Variants in C1orf159 observed in about 807,000 individuals in gnomAD.
C1orf159 encodes uncharacterized protein C1orf159.
Under a neutral mutation model 25.6 loss-of-function variants are expected in C1orf159, and 19 were observed. That is an observed-to-expected ratio of 0.74 (90% CI 0.52 to 1.09). The LOEUF (loss-of-function observed/expected upper bound fraction) is 1.09. Among genes scored for constraint, C1orf159 ranks in the 50% least tolerant of loss-of-function variants. The probability of loss-of-function intolerance (pLI) is 0.00; values close to 1 mark genes in which losing one functional copy is unlikely to be tolerated. For missense variants in C1orf159, 274 were observed against 290.6 expected, an observed-to-expected ratio of 0.94 and a Z score of 0.42; for synonymous variants, 139 against 124.7, an observed-to-expected ratio of 1.12 and a Z score of -0.77.
chr1:1,107,853 A>G (rs894146813), intron 1 of C1orf159, among the ~76,000 whole-genome samples: 1 of 152,226 alleles, frequency 6.6e-6, no homozygotes, highest in Non-Finnish European at 1.5e-5. Context: ...ACTCACTGCA[A>G]AGGTCTGCAG....
In C1orf159 at chr1:1,087,632, G is replaced by C. The variant is rs1370054893; in HGVS notation, c.149-35C>G. 6.8e-7 allele frequency: 1 copy of C among 1,463,872 alleles called. No homozygotes were observed. The highest frequency in any genetic ancestry group is 9.2e-7 in the Non-Finnish European group (1 of 1,085,104). The allele number at this position is 1,463,872 out of a possible 1,614,324, so 90.7% of individuals were successfully genotyped here. A position where few individuals can be genotyped will look rare whatever the true frequency, so the allele number is the denominator to read the frequency against. On this transcript the variant is annotated intron_variant, in intron 4 of 9. Transcript: ENST00000421241. The surrounding 1 kb of genome is among the most constrained non-coding windows in gnomAD (Gnocchi z 8.3). ...GCAGAGGACGGGCATGTCAGCCAAA[G>C]CAAAATCCACACCAGCTGGGTCTCC...
chr1:1,098,858 C>CT (rs1486288442), intron 1 of C1orf159, among the ~76,000 whole-genome samples: 4 of 152,160 alleles, frequency 2.6e-5, no homozygotes, highest in Non-Finnish European at 5.9e-5. Context: ...GTGATCCACC[C>CT]GACTCGGGCT....
chr1:1,086,743 C>T (rs548721374), intron 6 of C1orf159, among the ~76,000 whole-genome samples: 6 of 152,122 alleles, frequency 3.9e-5, no homozygotes, highest in South Asian at 2.1e-4. Flanking sequence ...GCAGTGTGGC[C>T]GTGAGCGTGA....
intron 1 of C1orf159, among the ~76,000 whole-genome samples, chr1:1,111,365 C>CA (rs35082223): frequency 0.031 from 3,328 of 109,006 alleles, 45 homozygotes; most frequent in Middle Eastern, 0.044. Flanking sequence ...TCATCTCTAC[C>CA]AAAAAAAAAA....
chr1:1,093,370 C>T (rs1221083219), intron 1 of C1orf159, among the ~76,000 whole-genome samples: 3 of 152,230 alleles, frequency 2.0e-5, no homozygotes, highest in African/African-American at 7.2e-5. Flanking sequence ...TAGTCAACTT[C>T]ATGGAGATCT....
Position 1,091,544 on chromosome 1 carries a change from G to A in C1orf159, c.-1C>T. The A allele has an allele frequency of 4.5e-6, 7 of 1,549,128 alleles. No homozygotes were observed. Among genetic ancestry groups the A allele is most frequent in the Non-Finnish European group, 6.1e-6 (7 of 1,146,740 alleles). ...GGAGGGCGAGGTGCCGCAGCGCCAT[G>A]CCAGGAGCAGATGCGCAGAGCCTGC... On this transcript the variant is annotated 5_prime_UTR_variant, in exon 3 of 10. Coordinates refer to ENST00000421241, the MANE Select transcript of C1orf159 (RefSeq NM_017891.5).
At chr1:1,103,121 G>A (rs1646125683) in intron 1 of C1orf159, among the ~76,000 whole-genome samples, 1 of 152,184 alleles carries the variant, frequency 6.6e-6, no homozygotes. Context: ...GGGATTACAG[G>A]CGTGAGCCAC....
chr1:1,097,550 C>T (rs1212571295), intron 1 of C1orf159, among the ~76,000 whole-genome samples: 2 of 151,446 alleles, frequency 1.3e-5, no homozygotes, highest in Admixed American at 6.6e-5. Context: ...CTAGCCAGGA[C>T]TACAGGCTCG....
chr1:1,110,975 G>A lies in C1orf159; in HGVS notation c.-136+5085C>T, dbSNP rs1416831782. Among the ~76,000 whole-genome samples, 1 of 152,238 alleles carries A rather than the reference G, an allele frequency of 6.6e-6. No individual in the cohort carries two copies. Among genetic ancestry groups the A allele is most frequent in the Non-Finnish European group, 1.5e-5 (1 of 68,040 alleles). On this transcript the variant is annotated intron_variant, in intron 1 of 9. Coordinates refer to ENST00000421241, the MANE Select transcript of C1orf159 (RefSeq NM_017891.5). The surrounding 1 kb of genome is among the most constrained non-coding windows in gnomAD (Gnocchi z 4.8). ...AGCAGCCTGCGAGGCAATCTCCATGGATCACAGGCAGATTCTACATCACGA... is the reference window on the plus strand; with the variant it reads ...AGCAGCCTGCGAGGCAATCTCCATGAATCACAGGCAGATTCTACATCACGA...
chr1:1,102,071 C>CAAAAAA (rs1237729417), intron 1 of C1orf159, among the ~76,000 whole-genome samples: 8 of 39,908 alleles, frequency 2.0e-4, no homozygotes, highest in Non-Finnish European at 3.4e-4. Context: ...AACTCTGTCT[C>CAAAAAA]AAAAAAAAAA....
intron 7 of C1orf159, among the ~76,000 whole-genome samples, chr1:1,084,817 T>A (rs1645803717): frequency 6.6e-6 from 1 of 152,082 alleles, no homozygotes; most frequent in African/African-American, 2.4e-5. Context: ...GCCCCCCTCA[T>A]GAGAAGCGTC....
At chr1:1,109,141 C>A (rs1646223818) in intron 1 of C1orf159, among the ~76,000 whole-genome samples, 1 of 150,440 alleles carries the variant, frequency 6.6e-6, no homozygotes, top group Non-Finnish European at 1.5e-5. Context: ...AGTGTCCACC[C>A]ACAGATGAAT....
chr1:1,088,430 C>G, intron 4 of C1orf159, among the ~76,000 whole-genome samples: 1 of 144,900 alleles, frequency 6.9e-6, no homozygotes, highest in Non-Finnish European at 1.5e-5. Flanking sequence ...ATAGGCCCAC[C>G]CGCCAGCAGC....
At chr1:1,092,299 G>A (rs1645952570) in intron 1 of C1orf159, 196 bp from the exon 2 acceptor site, 3 of 231,098 alleles carry the variant, frequency 1.3e-5, no homozygotes, top group South Asian at 8.8e-5. Flanking sequence ...GCCTCCTGCG[G>A]GTGAGAGTGC....
At chr1:1,083,737 G>T in intron 9 of C1orf159, 1 of 637,914 alleles carries the variant, frequency 1.6e-6, no homozygotes. Flanking sequence ...GACGGGGCAC[G>T]TCCAGCCTTG....
chr1:1,084,149 G>T, intron 9 of C1orf159: 4 of 1,546,640 alleles, frequency 2.6e-6, no homozygotes, highest in Non-Finnish European at 3.5e-6. Context: ...GGGGGCGCCG[G>T]CCAAATCCAG....
In C1orf159 at chr1:1,110,756, G is replaced by A. The variant is rs1392656642; in HGVS notation, c.-136+5304C>T. On this transcript the variant is annotated intron_variant, in intron 1 of 9. Transcript: ENST00000421241. This position sits in a 1 kb window ranked among gnomAD's most constrained non-coding sequence, Gnocchi z 4.8. ...TCAGACAGCGGAAACCCACCCGGGC[G>A]CCCTCAGAGACGACGAGCACGCAAC... Among the ~76,000 whole-genome samples the A allele has an allele frequency of 3.3e-5, 5 of 152,152 alleles. No individual in the cohort carries two copies. The highest frequency in any genetic ancestry group is 5.9e-5 in the Non-Finnish European group (4 of 68,022).
At chr1:1,109,731 T>C (rs1009066851) in intron 1 of C1orf159, among the ~76,000 whole-genome samples, 1 of 152,318 alleles carries the variant, frequency 6.6e-6, no homozygotes, top group Non-Finnish European at 1.5e-5. Flanking sequence ...TCTTAATGCA[T>C]GTGTACTAGA....
intron 1 of C1orf159, among the ~76,000 whole-genome samples, chr1:1,097,131 G>A (rs1001345507): frequency 2.6e-5 from 4 of 151,798 alleles, no homozygotes; most frequent in South Asian, 2.1e-4. Flanking sequence ...TTTTGAGACC[G>A]AGTCTCACTC....
Sources: gnomAD v4.1 joint callset for allele counts (sites outside exome capture counted in the v4.1 genomes callset) on GRCh38, gnomAD v4.1.1 for gene constraint, Gnocchi (gnomAD v3.1) non-coding constraint, MANE v1.5 for transcripts, NCBI Gene and HGNC (gene_info 2026-07-23, HGNC 2026-07-21) for gene names.